The following CYP2C18 variants were observed in gnomAD, a reference collection of about 807,000 sequenced individuals.
CYP2C18 encodes cytochrome P450 2C18.
CYP2C18 carries 38 observed loss-of-function variants against 41.3 expected under a neutral mutation model. That is an observed-to-expected ratio of 0.92 (90% CI 0.71 to 1.21). The LOEUF (loss-of-function observed/expected upper bound fraction) is 1.21, where lower values mean the gene tolerates loss of function less well. Among genes scored for constraint, CYP2C18 ranks in the 50% most tolerant of loss-of-function variants. The probability of loss-of-function intolerance (pLI) is 0.00; values close to 1 mark genes in which losing one functional copy is unlikely to be tolerated. For synonymous variants in CYP2C18, 236 were observed against 210.0 expected (o/e 1.12, Z -1.07); for missense variants, 635 against 591.4 (o/e 1.07, Z -0.77).
chr10:94,724,022 TTTTC>T (rs537951941), intron 6 of CYP2C18, among the ~76,000 whole-genome samples: 3 of 151,020 alleles, frequency 2.0e-5, no homozygotes, highest in Admixed American at 6.6e-5. Context: ...AATTTGATTT[TTTTC>T]TTTCTTCAAG....
rs761947040 is a variant in CYP2C18 at position 94,735,215 on chromosome 10, C to G, written c.1292-48C>G. 17 of 1,569,062 alleles carry G rather than the reference C, an allele frequency of 1.1e-5. 1 individual carries two copies. The South Asian group carries it at 1.9e-4, about 17-fold the overall frequency. ...TTACTGCATACTCTTTGTGACTGTTCATGACCTAATGTTCAAGGAACAAAT... is the reference window on the plus strand; with the variant it reads ...TTACTGCATACTCTTTGTGACTGTTGATGACCTAATGTTCAAGGAACAAAT... On this transcript the variant is annotated intron_variant, in intron 8 of 8. Coordinates refer to ENST00000285979, the MANE Select transcript of CYP2C18 (RefSeq NM_000772.3).
rs767161951 is a variant in CYP2C18 at position 94,688,217 on chromosome 10, G to A, written c.424G>A (p.Glu142Lys). 9.9e-6 allele frequency: 16 copies of A among 1,613,636 alleles called. No individual in the cohort carries two copies. The highest frequency in any genetic ancestry group is 4.5e-5 in the East Asian group (2 of 44,874). Residue 142 changes from glutamate to lysine, a missense_variant, in exon 3 of 9, where the codon GAG becomes AAG. Transcript: ENST00000285979. ...TTTTGGGATGGGGAAGAGGAGCATC[G>A]AGGACCGTGTTCAAGAGGAAGCCCG... ...RNFGMGKRSI[E>K]DRVQEEARCL... is the part of the protein sequence containing the mutation.
chr10:94,703,630 G>T (rs771970483), intron 4 of CYP2C18, among the ~76,000 whole-genome samples: 1 of 152,166 alleles, frequency 6.6e-6, no homozygotes, highest in African/African-American at 2.4e-5. Flanking sequence ...TGCTGTGCTG[G>T]CAGTGAGAAT....
intron 7 of CYP2C18, among the ~76,000 whole-genome samples, chr10:94,731,370 A>G (rs931996051): frequency 6.7e-6 from 1 of 149,490 alleles, no homozygotes; most frequent in African/African-American, 2.5e-5. Flanking sequence ...ACAGAGTGAG[A>G]CTCTGTCTCA....
chr10:94,715,138 G>T (rs1847516226), intron 5 of CYP2C18, among the ~76,000 whole-genome samples: 1 of 152,162 alleles, frequency 6.6e-6, no homozygotes, highest in African/African-American at 2.4e-5. Flanking sequence ...GGAACAATTT[G>T]ACTTCCTCTT....
intron 5 of CYP2C18, among the ~76,000 whole-genome samples, chr10:94,712,360 A>T (rs1026373984): frequency 1.9e-4 from 29 of 151,802 alleles, no homozygotes; most frequent in African/African-American, 7.0e-4. Context: ...CCCGCCCCCA[A>T]GCCCTCTGGC....
chr10:94,687,708 G>A lies in CYP2C18; in HGVS notation c.169-62G>A, dbSNP rs536859048. 1.3e-5 allele frequency: 18 copies of A among 1,397,814 alleles called. 1 individual carries two copies. The highest frequency in any genetic ancestry group is 2.1e-5 in the Admixed American group (1 of 47,402). 86.6% of individuals were successfully genotyped at this position (1,397,814 alleles called of 1,614,324 possible). A position where few individuals can be genotyped will look rare whatever the true frequency, so the allele number is the denominator to read the frequency against. ...TGATGATAATATCAGTCTGAATCAC[G>A]GACAATATATAGACCAAATACTGAG... On this transcript the variant is annotated intron_variant, in intron 1 of 8. Coordinates refer to ENST00000285979, the MANE Select transcript of CYP2C18 (RefSeq NM_000772.3).
chr10:94,725,654 CT>C (rs1847727710), intron 7 of CYP2C18, among the ~76,000 whole-genome samples: 1 of 151,862 alleles, frequency 6.6e-6, no homozygotes, highest in African/African-American at 2.4e-5. Flanking sequence ...CTTTTGATGA[CT>C]TTTTTTGGTC....
intron 3 of CYP2C18, among the ~76,000 whole-genome samples, chr10:94,690,976 C>G (rs542394935): frequency 4.7e-4 from 49 of 104,506 alleles, no homozygotes; most frequent in African/African-American, 5.2e-4. Flanking sequence ...ATTCAACAAC[C>G]CTTCATGCTA....
chr10:94,715,876 A>T (rs570963067), intron 5 of CYP2C18, among the ~76,000 whole-genome samples: 1 of 152,070 alleles, frequency 6.6e-6, no homozygotes, highest in African/African-American at 2.4e-5. Context: ...TGATTGGTCT[A>T]TTCAGGGATT....
chr10:94,712,085 C>T (rs569420721), intron 5 of CYP2C18, among the ~76,000 whole-genome samples: 5 of 143,642 alleles, frequency 3.5e-5, no homozygotes, highest in Admixed American at 7.2e-5. Context: ...TGGGCTCAAG[C>T]GATCCTCCCA....
intron 4 of CYP2C18, among the ~76,000 whole-genome samples, chr10:94,698,145 C>A (rs778790787): frequency 3.3e-5 from 5 of 152,194 alleles, no homozygotes; most frequent in Non-Finnish European, 7.3e-5. Flanking sequence ...TAGACATCTG[C>A]AGAACTCTCC....
chr10:94,688,212 G>C lies in CYP2C18; in HGVS notation c.419G>C (p.Ser140Thr), dbSNP rs563620905. The C allele has an allele frequency of 4.8e-5, 78 of 1,613,774 alleles. No individual in the cohort carries two copies. The South Asian group carries it at 8.3e-4, about 17-fold the overall frequency. Residue 140 changes from serine (S) to threonine (T), a missense_variant, in exon 3 of 9, where the codon AGC becomes ACC. Physicochemically the swap from Ser to Thr is moderately conservative, Grantham distance 58. Transcript: ENST00000285979. Reference protein sequence around the residue: ...TLRNFGMGKRSIEDRVQEEAR... With the variant: ...TLRNFGMGKRTIEDRVQEEAR... ...CGGAATTTTGGGATGGGGAAGAGGA[G>C]CATCGAGGACCGTGTTCAAGAGGAA...
chr10:94,720,301 C>A (rs1349606566), intron 5 of CYP2C18, 95 bp from the exon 6 acceptor site: 1 of 1,128,574 alleles, frequency 8.9e-7, no homozygotes, highest in Non-Finnish European at 1.2e-6. Context: ...TTCCAAACTT[C>A]CTTATCTTTA....
intron 5 of CYP2C18, among the ~76,000 whole-genome samples, chr10:94,708,635 C>A (rs1847383649): frequency 6.6e-6 from 1 of 152,042 alleles, no homozygotes; most frequent in African/African-American, 2.4e-5. Context: ...AAATACAATT[C>A]AACAGTTTTA....
intron 5 of CYP2C18, among the ~76,000 whole-genome samples, chr10:94,716,462 G>T (rs142779137): frequency 0.18 from 26,782 of 152,054 alleles, 2,609 homozygotes; most frequent in South Asian, 0.33. Context: ...TCAGGAGCAG[G>T]TTGTTCAGTT....
rs74576881 is a variant in CYP2C18, at chr10:94,711,804, G to A, written c.819+4844G>A. 9.6e-4 allele frequency among the ~76,000 whole-genome samples: 146 copies of A among 151,808 alleles called. 1 individual carries two copies. In the East Asian group the frequency reaches 0.027, roughly 28 times the overall value. ...GAATAATGACAAGAAAAAGAAGTCT[G>A]TACATGTCCAATATGAACACTTTTT... On this transcript the variant is annotated intron_variant, in intron 5 of 8. Coordinates refer to ENST00000285979, the MANE Select transcript of CYP2C18 (RefSeq NM_000772.3).
intron 5 of CYP2C18, 103 bp downstream of exon 5, chr10:94,707,063 C>A: frequency 2.2e-6 from 2 of 892,158 alleles, no homozygotes; most frequent in Non-Finnish European, 3.5e-6. Context: ...ACTTTATGTA[C>A]TTACCATGTG....
intron 5 of CYP2C18, among the ~76,000 whole-genome samples, chr10:94,713,330 G>A (rs549056849): frequency 6.2e-5 from 9 of 144,528 alleles, no homozygotes; most frequent in East Asian, 4.3e-4. Context: ...ATCCCTCCCC[G>A]CTCCCCCCAC....
Sources: allele counts gnomAD v4.1 joint callset (sites outside exome capture counted in the v4.1 genomes callset), GRCh38; gene constraint gnomAD v4.1.1; transcripts MANE v1.5; gene names NCBI Gene and HGNC (gene_info 2026-07-23, HGNC 2026-07-21).